CSMD1: variants seen among roughly 807,000 people sequenced by gnomAD.
CSMD1 encodes CUB and sushi domain-containing protein 1.
In CSMD1, 213 loss-of-function variants were observed where a neutral mutation model predicts 417.5. That is an observed-to-expected ratio of 0.51 (90% confidence interval 0.46 to 0.57). The LOEUF (loss-of-function observed/expected upper bound fraction) is 0.57, where lower values mean the gene tolerates loss of function less well. CSMD1 is among the 20% of genes least tolerant of loss of function. CSMD1 has a pLI of 0.00. For missense variants in CSMD1, 6,923 were observed against 4,529.7 expected, an observed-to-expected ratio of 1.53 and a Z score of -15.17; for synonymous variants, 2,862 against 1,736.8, an observed-to-expected ratio of 1.65 and a Z score of -16.11.
At chr8:3,928,672 GA>G (rs1363102104) in intron 5 of CSMD1, among the ~76,000 whole-genome samples, 1 of 141,130 alleles carries the variant, frequency 7.1e-6, no homozygotes, top group African/African-American at 3.1e-5. Flanking sequence ...AGAAGGTATA[GA>G]TTTTTTTTTA....
chr8:4,043,255 G>C (rs561076360), intron 3 of CSMD1, among the ~76,000 whole-genome samples: 1 of 152,242 alleles, frequency 6.6e-6, no homozygotes, highest in East Asian at 1.9e-4. Flanking sequence ...TATTAGGCTA[G>C]CATAGGAGAT....
At chr8:4,661,110 C>A (rs1179150072) in intron 1 of CSMD1, among the ~76,000 whole-genome samples, 2 of 152,158 alleles carry the variant, frequency 1.3e-5, no homozygotes, top group Non-Finnish European at 2.9e-5. Context: ...ACCAATTGTA[C>A]TACTAGGCAT....
At chr8:3,062,084 A>C (rs1325636322) in intron 49 of CSMD1, among the ~76,000 whole-genome samples, 2 of 152,204 alleles carry the variant, frequency 1.3e-5, no homozygotes, top group Non-Finnish European at 2.9e-5. Context: ...ATACATTTTC[A>C]AATATGATTC....
At chr8:3,572,537 AAACT>A (rs1799988188) in intron 10 of CSMD1, among the ~76,000 whole-genome samples, 1 of 152,198 alleles carries the variant, frequency 6.6e-6, no homozygotes, top group Non-Finnish European at 1.5e-5. Flanking sequence ...AATTCTCATA[AAACT>A]ACCTGGAACA....
intron 32 of CSMD1, among the ~76,000 whole-genome samples, chr8:3,200,426 A>C (rs908513880): frequency 4.0e-5 from 6 of 151,776 alleles, no homozygotes; most frequent in African/African-American, 1.5e-4. Flanking sequence ...GTGGTGGTGC[A>C]TGCCTGTAAT....
intron 5 of CSMD1, among the ~76,000 whole-genome samples, chr8:3,958,220 C>T (rs182454683): frequency 2.0e-5 from 3 of 152,006 alleles, no homozygotes; most frequent in East Asian, 3.9e-4. Flanking sequence ...AAATCCATAA[C>T]CAAACATGAA....
At chr8:3,703,598 C>T (rs779787756) in intron 7 of CSMD1, among the ~76,000 whole-genome samples, 3 of 152,074 alleles carry the variant, frequency 2.0e-5, no homozygotes, top group Non-Finnish European at 2.9e-5. Flanking sequence ...TCATCTTGAA[C>T]TAAAGGTACA....
chr8:4,885,506 C>G (rs1342838233), intron 1 of CSMD1, among the ~76,000 whole-genome samples: 2 of 151,972 alleles, frequency 1.3e-5, no homozygotes, highest in Non-Finnish European at 2.9e-5. Flanking sequence ...AGAAACACCA[C>G]TGTAATTCTT....
chr8:4,417,315 T>A (rs970862332), intron 3 of CSMD1, among the ~76,000 whole-genome samples: 1 of 152,062 alleles, frequency 6.6e-6, no homozygotes, highest in African/African-American at 2.4e-5. Context: ...GTGTGAATAA[T>A]AGTTTATGTA....
intron 3 of CSMD1, among the ~76,000 whole-genome samples, chr8:4,209,032 T>C (rs1003742577): frequency 6.6e-5 from 10 of 152,182 alleles, no homozygotes; most frequent in African/African-American, 2.4e-4. Flanking sequence ...CCAATTGTAT[T>C]CTCTCCTGTC....
chr8:4,813,095 T>A (rs544482042), intron 1 of CSMD1, among the ~76,000 whole-genome samples: 1 of 152,222 alleles, frequency 6.6e-6, no homozygotes, highest in Non-Finnish European at 1.5e-5. Flanking sequence ...ATGATTTACA[T>A]AGTTGAGAAA....
chr8:3,471,231 G>C (rs1817077458), intron 11 of CSMD1, among the ~76,000 whole-genome samples: 1 of 152,156 alleles, frequency 6.6e-6, no homozygotes. Context: ...AATGGGTAAT[G>C]ATGTACAACA....
chr8:3,054,433 C>A (rs1284648930), intron 49 of CSMD1, among the ~76,000 whole-genome samples: 1 of 152,068 alleles, frequency 6.6e-6, no homozygotes, highest in Non-Finnish European at 1.5e-5. Context: ...GCCTGGGCAA[C>A]ATGGTGAAAC....
At chr8:4,957,832 G>A (rs909609238) in intron 1 of CSMD1, among the ~76,000 whole-genome samples, 1 of 152,076 alleles carries the variant, frequency 6.6e-6, no homozygotes, top group Non-Finnish European at 1.5e-5. Context: ...TAGTACAATT[G>A]GACAATACTC....
intron 26 of CSMD1, among the ~76,000 whole-genome samples, chr8:3,235,553 C>A (rs536939099): frequency 6.6e-6 from 1 of 152,150 alleles, no homozygotes; most frequent in Admixed American, 6.5e-5. Context: ...AGGCTCAGAG[C>A]TGTACCACAG....
chr8:3,832,460 T>A (rs778217009), intron 5 of CSMD1, among the ~76,000 whole-genome samples: 1 of 152,224 alleles, frequency 6.6e-6, no homozygotes, highest in African/African-American at 2.4e-5. Flanking sequence ...TAAGATAAGA[T>A]TTTTTGTTTC....
chr8:3,462,045 G>A (rs976093897), intron 12 of CSMD1, among the ~76,000 whole-genome samples: 1 of 152,150 alleles, frequency 6.6e-6, no homozygotes, highest in Non-Finnish European at 1.5e-5. Context: ...TTTCCAGATG[G>A]AGAATACTGA....
chr8:3,983,670 G>A (rs1814083242), intron 5 of CSMD1, among the ~76,000 whole-genome samples: 1 of 152,218 alleles, frequency 6.6e-6, no homozygotes, highest in African/African-American at 2.4e-5. Context: ...CATGTGGAGT[G>A]TATTTTCAGG....
chr8:4,422,255 G>A (rs572603676), intron 2 of CSMD1, among the ~76,000 whole-genome samples: 2 of 152,060 alleles, frequency 1.3e-5, no homozygotes, highest in Admixed American at 1.3e-4. Context: ...TCCAGAAAGT[G>A]TAAGTGGATA....
Sources: gnomAD v4.1 joint callset for allele counts (sites outside exome capture counted in the v4.1 genomes callset) on GRCh38, gnomAD v4.1.1 for gene constraint, MANE v1.5 for transcripts, NCBI Gene and HGNC (gene_info 2026-07-23, HGNC 2026-07-21) for gene names.